The following LRRD1 variants were observed in gnomAD, a reference collection of about 807,000 sequenced individuals.
LRRD1 encodes the protein leucine rich repeats and death domain containing 1.
A neutral mutation model predicts 69.5 loss-of-function variants in LRRD1; 49 were observed. The ratio of observed to expected loss-of-function variants is 0.70; its 90% CI spans 0.56 to 0.89. The LOEUF (loss-of-function observed/expected upper bound fraction) is 0.89, where lower values mean the gene tolerates loss of function less well. Among genes scored for constraint, LRRD1 ranks in the 40% least tolerant of loss-of-function variants. The pLI is 0.00. For synonymous variants in LRRD1, 303 were observed against 338.9 expected (o/e 0.89, Z 1.16); for missense variants, 853 against 956.0 (o/e 0.89, Z 1.42).
Position 92,165,024 on chromosome 7 carries a change from G to A in LRRD1, c.179C>T (p.Pro60Leu), listed in dbSNP as rs1424191409. ...TGTTGACTCTAATGTATTCTGTCTA[G>A]GATGTGTTTCATAAATCTGGTTAGA... ...KSSNQIYETHPRQNTLESTSS... is the reference protein window; with the variant it reads ...KSSNQIYETHLRQNTLESTSS... Residue 60 changes from proline to leucine, a missense_variant, in exon 2 of 6, where the codon CCT becomes CTT. Pro to Leu is a moderately conservative substitution (Grantham distance 98). Transcript: ENST00000458448. 7.1e-6 allele frequency: 11 copies of A among 1,551,404 alleles called. No homozygotes were observed. The highest frequency in any genetic ancestry group is 9.6e-6 in the Non-Finnish European group (11 of 1,146,892).
intron 1 of LRRD1, among the ~76,000 whole-genome samples, chr7:92,176,840 G>T (rs370018650): frequency 6.6e-6 from 1 of 151,746 alleles, no homozygotes; most frequent in African/African-American, 2.4e-5. Context: ...TGAGATTACA[G>T]GTGTAAGCCA....
At chr7:92,149,519 A>G (rs1039780137) in intron 4 of LRRD1, among the ~76,000 whole-genome samples, 3 of 152,200 alleles carry the variant, frequency 2.0e-5, no homozygotes, top group Non-Finnish European at 4.4e-5. Context: ...ACTTGAAGCC[A>G]GTCTTCATCT....
At chr7:92,158,862 C>A in intron 3 of LRRD1, 143 bp downstream of exon 3, 1 of 620,496 alleles carries the variant, frequency 1.6e-6, no homozygotes, top group Non-Finnish European at 2.7e-6. Context: ...ATTTTCTGTA[C>A]CTAGGACAGT....
intron 2 of LRRD1, among the ~76,000 whole-genome samples, chr7:92,160,805 T>G (rs1462658722): frequency 1.3e-5 from 2 of 152,098 alleles, no homozygotes; most frequent in African/African-American, 4.8e-5. Flanking sequence ...AGAGTGAGAC[T>G]CTGTCTCAAA....
At chr7:92,159,828 C>T (rs919643878) in intron 2 of LRRD1, among the ~76,000 whole-genome samples, 4 of 151,936 alleles carry the variant, frequency 2.6e-5, no homozygotes, top group African/African-American at 7.3e-5. Flanking sequence ...GCCATGTTGG[C>T]CAAGCTGGTT....
chr7:92,153,711 A>C (rs1190573966), intron 3 of LRRD1, among the ~76,000 whole-genome samples: 2 of 150,320 alleles, frequency 1.3e-5, no homozygotes, highest in African/African-American at 4.9e-5. Flanking sequence ...AGGCGCCTGT[A>C]ATCCCAGCTA....
At chr7:92,144,041 TAGC>T (rs1219984584), downstream of LRRD1, among the ~76,000 whole-genome samples, 2 of 152,180 alleles carry the variant, frequency 1.3e-5, no homozygotes, top group Non-Finnish European at 1.5e-5. Context: ...GGTTTTCTGA[TAGC>T]AGAAGAAGGG....
rs929345813 is a variant in LRRD1, at chr7:92,164,354, C to G, written c.849G>C (p.Arg283Ser). The G allele has an allele frequency of 4.6e-5, 72 of 1,549,388 alleles. No individual in the cohort carries two copies. The highest frequency in any genetic ancestry group is 6.0e-5 in the Non-Finnish European group (69 of 1,146,350). ...PDTLPSLKTL[R>S]VLNLEYNQLT... ...ACTGATTATATTCCAAATTGAGAACCCTCAAGGTTTTTAAACTAGGCAGAG... is the reference window on the plus strand; with the variant it reads ...ACTGATTATATTCCAAATTGAGAACGCTCAAGGTTTTTAAACTAGGCAGAG... Residue 283 changes from arginine to serine, a missense_variant, in exon 2 of 6, where the codon AGG becomes AGC. By Grantham distance (110) the Arg-to-Ser change is moderately radical. Coordinates refer to ENST00000458448, the MANE Select transcript of LRRD1 (RefSeq NM_001161528.2).
At chr7:92,161,289 T>C (rs1788790379) in intron 2 of LRRD1, among the ~76,000 whole-genome samples, 1 of 152,266 alleles carries the variant, frequency 6.6e-6, no homozygotes, top group Admixed American at 6.5e-5. Context: ...GGTTATCAAG[T>C]GATATTTTCA....
At position 92,168,749 on chromosome 7, in the gene LRRD1, G is replaced by A. The variant is rs543394729; in HGVS notation, c.-74-3473C>T. Among the ~76,000 whole-genome samples, 5 of 151,290 alleles carry A rather than the reference G, an allele frequency of 3.3e-5. No individual in the cohort carries two copies. The South Asian group carries it at 8.4e-4, about 25-fold the overall frequency. ...CAGTAGAAACCCAAACAAGCCAGAC[G>A]AAGACTGGAAGAAATAACTAATCTT... On this transcript the variant is annotated intron_variant, in intron 1 of 5. Coordinates refer to ENST00000458448, the MANE Select transcript of LRRD1 (RefSeq NM_001161528.2).
intron 3 of LRRD1, 91 bp from the exon 4 acceptor site, chr7:92,150,786 A>G: frequency 1.1e-6 from 1 of 884,416 alleles, no homozygotes; most frequent in Non-Finnish European, 1.7e-6. Context: ...CTGGCAAAGT[A>G]CCAGAGGACC....
chr7:92,176,020 GAGAAAGTCCTCTC>G (rs1789189022), intron 1 of LRRD1, among the ~76,000 whole-genome samples: 1 of 152,164 alleles, frequency 6.6e-6, no homozygotes, highest in South Asian at 2.1e-4. Flanking sequence ...ATATCTGGTA[GAGAAAGTCCTCTC>G]ACTTTATCCT....
In LRRD1 at chr7:92,179,122, G is replaced by C. The variant is rs113253096; in HGVS notation, c.-190C>G. 1.3e-5 allele frequency: 2 copies of C among 152,276 alleles called. No individual in the cohort carries two copies. The highest frequency in any genetic ancestry group is 2.9e-5 in the Non-Finnish European group (2 of 68,088). The allele number at this position is 152,276 out of a possible 1,614,324, so 9.4% of individuals were successfully genotyped here. A position where few individuals can be genotyped will look rare whatever the true frequency, so the allele number is the denominator to read the frequency against. ...CGCAGCCCAGCACTGACGCCTCTCCGGGCCGTGGCTCCTCTTTCCCAGGCC... is the reference window on the plus strand; with the variant it reads ...CGCAGCCCAGCACTGACGCCTCTCCCGGCCGTGGCTCCTCTTTCCCAGGCC... On this transcript the variant is annotated 5_prime_UTR_variant, in exon 1 of 6. Coordinates refer to ENST00000458448, the MANE Select transcript of LRRD1 (RefSeq NM_001161528.2).
At chr7:92,170,591 A>G (rs1326862306) in intron 1 of LRRD1, among the ~76,000 whole-genome samples, 1 of 152,240 alleles carries the variant, frequency 6.6e-6, no homozygotes, top group African/African-American at 2.4e-5. Context: ...CTGAAATACA[A>G]TAATAGTAGG....
At chr7:92,161,683 G>C (rs559413343) in intron 2 of LRRD1, among the ~76,000 whole-genome samples, 1 of 152,298 alleles carries the variant, frequency 6.6e-6, no homozygotes, top group South Asian at 2.1e-4. Context: ...GATGGAAAAG[G>C]AACAAGAATG....
intron 1 of LRRD1, among the ~76,000 whole-genome samples, chr7:92,166,274 T>G (rs1046021460): frequency 6.6e-6 from 1 of 152,220 alleles, no homozygotes; most frequent in Non-Finnish European, 1.5e-5. Context: ...CTTCCTATGT[T>G]TACTATCTCT....
chr7:92,169,544 G>T (rs1789002969), intron 1 of LRRD1, among the ~76,000 whole-genome samples: 1 of 151,896 alleles, frequency 6.6e-6, no homozygotes, highest in South Asian at 2.1e-4. Flanking sequence ...CCAGCTACTT[G>T]GGAGGCTGAG....
chr7:92,164,307 A>G lies in LRRD1; in HGVS notation c.896T>C (p.Leu299Pro). The G allele has an allele frequency of 6.4e-7, 1 of 1,551,004 alleles. No individual in the cohort carries two copies. The highest frequency in any genetic ancestry group is 8.7e-7 in the Non-Finnish European group (1 of 1,146,722). ...TGAAATTAACTTTGGAAGGAAGCAG[A>G]GAGCTTTAGGAAATGTTGTTAACTG... ...YNQLTTFPKALCFLPKLISLD... is the reference protein window; with the variant it reads ...YNQLTTFPKAPCFLPKLISLD... The change falls in exon 2 of 6, where the codon CTC becomes CCC. Residue 299 changes from leucine to proline, a missense_variant. Around this residue, in one of 3 missense-constraint regions of LRRD1, gnomAD observed 739 missense variants for 808.0 expected, o/e 0.91. Coordinates refer to ENST00000458448, the MANE Select transcript of LRRD1 (RefSeq NM_001161528.2).
At chr7:92,170,696 G>T (rs914502991) in intron 1 of LRRD1, among the ~76,000 whole-genome samples, 3 of 152,116 alleles carry the variant, frequency 2.0e-5, no homozygotes, top group African/African-American at 7.2e-5. Context: ...AGTCCAAATA[G>T]GCCTAATTGA....
Sources: allele counts gnomAD v4.1 joint callset (sites outside exome capture counted in the v4.1 genomes callset), GRCh38; gene constraint gnomAD v4.1.1; regional missense constraint gnomAD v4.1.1; transcripts MANE v1.5; gene names NCBI Gene and HGNC (gene_info 2026-07-23, HGNC 2026-07-21).